Variants in OPRM1 observed in about 807,000 individuals in gnomAD.
OPRM1 encodes mu-type opioid receptor.
Under a neutral mutation model 31.8 loss-of-function variants are expected in OPRM1, and 27 were observed. The observed-to-expected ratio is 0.85, with a 90% CI of 0.63 to 1.17. OPRM1 has a LOEUF of 1.17. Among genes scored for constraint, OPRM1 ranks in the 50% most tolerant of loss-of-function variants. The pLI, the probability that OPRM1 is intolerant of heterozygous loss-of-function variation, is 0.00. For missense variants in OPRM1, 536 were observed against 511.1 expected (o/e 1.05, Z -0.47); for synonymous variants, 196 against 189.9 (o/e 1.03, Z -0.26).
At chr6:154,170,634 T>C (rs568064145) in intron 3 of OPRM1, among the ~76,000 whole-genome samples, 3 of 152,216 alleles carry the variant, frequency 2.0e-5, no homozygotes, top group African/African-American at 4.8e-5. Context: ...ATTAGACTTT[T>C]GGCTCACACC....
rs1797250804 is a variant in OPRM1 at position 154,120,652 on chromosome 6, T to C, written c.*1931T>C. The stretch of plus-strand genomic sequence containing the variant: ...CAAACAGAACACAATGTAATATTTG[T>C]ATGTAAATAACTGAGGAGGAAAATC... On this transcript the variant is annotated 3_prime_UTR_variant, in exon 4 of 4. Coordinates refer to ENST00000330432, the MANE Select transcript of OPRM1 (RefSeq NM_000914.5). 6.6e-6 allele frequency among the ~76,000 whole-genome samples: 1 copy of C among 152,190 alleles called. No homozygotes were observed. The highest frequency in any genetic ancestry group is 1.5e-5 in the Non-Finnish European group (1 of 68,014).
At chr6:154,183,902 AC>A (rs1801112814) in intron 3 of OPRM1, among the ~76,000 whole-genome samples, 1 of 152,092 alleles carries the variant, frequency 6.6e-6, no homozygotes, top group Admixed American at 6.5e-5. Flanking sequence ...AAACAAACAA[AC>A]AAAAAAAACA....
At chr6:154,211,042 G>C (rs1777916168) in intron 3 of OPRM1, among the ~76,000 whole-genome samples, 1 of 152,172 alleles carries the variant, frequency 6.6e-6, no homozygotes, top group African/African-American at 2.4e-5. Flanking sequence ...AAAAGGTCTG[G>C]TAAGTGAATG....
intron 3 of OPRM1, among the ~76,000 whole-genome samples, chr6:154,151,671 G>A (rs1163181191): frequency 2.6e-5 from 4 of 151,604 alleles, no homozygotes; most frequent in African/African-American, 9.7e-5. Context: ...ACAATAATGT[G>A]CTAAATCTCC....
intron 3 of OPRM1, among the ~76,000 whole-genome samples, chr6:154,180,781 A>G (rs934442316): frequency 6.6e-6 from 1 of 152,316 alleles, no homozygotes; most frequent in East Asian, 1.9e-4. Context: ...TTCATATGCC[A>G]TATTTCTTAT....
At chr6:154,059,760 A>G (rs1015201929) in intron 1 of OPRM1, among the ~76,000 whole-genome samples, 23 of 152,328 alleles carry the variant, frequency 1.5e-4, no homozygotes, top group Middle Eastern at 6.8e-3. Flanking sequence ...ATTTATTACA[A>G]TGTTATGTTA....
At chr6:154,154,972 T>G (rs1198097972) in intron 3 of OPRM1, 1 of 152,164 alleles carries the variant, frequency 6.6e-6, no homozygotes, top group Non-Finnish European at 1.5e-5. Flanking sequence ...TTTACGGCAT[T>G]TGCTCTTTCC....
downstream of OPRM1, among the ~76,000 whole-genome samples, chr6:154,134,324 G>C (rs573181882): frequency 6.6e-6 from 1 of 152,318 alleles, no homozygotes; most frequent in African/African-American, 2.4e-5. Context: ...ATGGGATAGA[G>C]TAAACAAAGC....
chr6:154,144,774 A>G (rs1798317541), intron 3 of OPRM1, among the ~76,000 whole-genome samples: 1 of 142,340 alleles, frequency 7.0e-6, no homozygotes, highest in African/African-American at 2.7e-5. Context: ...AAAAAAAAAG[A>G]ATTATACACC....
chr6:154,024,489 A>G (rs994905817), intron 1 of OPRM1, among the ~76,000 whole-genome samples: 1 of 151,328 alleles, frequency 6.6e-6, no homozygotes, highest in Non-Finnish European at 1.5e-5. Context: ...CAAAAACCTC[A>G]TTTTTTGTTT....
chr6:154,207,821 G>T (rs1452859715), intron 3 of OPRM1, among the ~76,000 whole-genome samples: 1 of 151,982 alleles, frequency 6.6e-6, no homozygotes, highest in Non-Finnish European at 1.5e-5. Context: ...GAGGATTGTT[G>T]TGTTGAAATA....
chr6:154,078,581 A>G (rs1788373312), intron 1 of OPRM1, among the ~76,000 whole-genome samples: 1 of 152,220 alleles, frequency 6.6e-6, no homozygotes, highest in Non-Finnish European at 1.5e-5. Flanking sequence ...TATGAAAAAC[A>G]CATCCTAGGC....
intron 1 of OPRM1, among the ~76,000 whole-genome samples, chr6:154,044,695 A>G (rs1332508281): frequency 6.6e-6 from 1 of 152,242 alleles, no homozygotes. Context: ...CTCTACTGCT[A>G]AGAAGAAAAT....
intron 1 of OPRM1, 50 bp downstream of exon 1, chr6:154,039,884 G>A (rs964790520): frequency 2.0e-6 from 3 of 1,490,486 alleles, no homozygotes; most frequent in South Asian, 2.6e-5. Context: ...GCTTAAGGGG[G>A]TACAAAGAGA....
At chr6:154,185,168 G>A (rs1450594265) in intron 3 of OPRM1, among the ~76,000 whole-genome samples, 11 of 152,122 alleles carry the variant, frequency 7.2e-5, no homozygotes, top group African/African-American at 2.4e-4. Flanking sequence ...ATACTCAGCT[G>A]TATGTGAAAG....
intron 3 of OPRM1, chr6:154,199,915 G>GGATTGTC: frequency 6.2e-7 from 1 of 1,614,170 alleles, no homozygotes; most frequent in Non-Finnish European, 8.5e-7. Context: ...TGTCAGGCAA[G>GGATTGTC]GATTGTCTCT....
At chr6:154,098,927 TTTA>T (rs1208176746) in intron 3 of OPRM1, among the ~76,000 whole-genome samples, 1 of 152,094 alleles carries the variant, frequency 6.6e-6, no homozygotes, top group Non-Finnish European at 1.5e-5. Context: ...AATTTGTTTC[TTTA>T]TAGAGTAGAG....
intron 3 of OPRM1, among the ~76,000 whole-genome samples, chr6:154,235,342 C>T (rs1284688546): frequency 2.6e-5 from 4 of 152,198 alleles, no homozygotes; most frequent in South Asian, 2.1e-4. Context: ...ACCAGCCTGG[C>T]CCACATGGCG....
chr6:154,033,945 A>C (rs1485108081), intron 1 of OPRM1, among the ~76,000 whole-genome samples: 2 of 152,266 alleles, frequency 1.3e-5, no homozygotes, highest in Admixed American at 6.5e-5. Context: ...GCAGGAATCG[A>C]AACAGTGACC....
Sources: gnomAD v4.1 joint callset for allele counts (sites outside exome capture counted in the v4.1 genomes callset) on GRCh38, gnomAD v4.1.1 for gene constraint, MANE v1.5 for transcripts, NCBI Gene and HGNC (gene_info 2026-07-23, HGNC 2026-07-21) for gene names.